The following GLI3 variants were observed in gnomAD, a reference collection of about 807,000 sequenced individuals.
GLI3 encodes transcription activator GLI3.
GLI3 carries 20 observed loss-of-function variants against 100.8 expected under a neutral mutation model. The ratio of observed to expected loss-of-function variants is 0.20; its 90% CI spans 0.14 to 0.29. The LOEUF (loss-of-function observed/expected upper bound fraction) is 0.29, where lower values mean the gene tolerates loss of function less well. GLI3 is among the 10% of genes least tolerant of loss of function. The probability of loss-of-function intolerance (pLI) is 1.00; values close to 1 mark genes in which losing one functional copy is unlikely to be tolerated. For synonymous variants in GLI3, 938 were observed against 860.5 expected, an observed-to-expected ratio of 1.09 and a Z score of -1.58; for missense variants, 2,040 against 2,128.5, an observed-to-expected ratio of 0.96 and a Z score of 0.82.
At chr7:41,968,763 G>GAAAGAA (rs1491137662) in intron 13 of GLI3, among the ~76,000 whole-genome samples, 11 of 56,686 alleles carry the variant, frequency 1.9e-4, no homozygotes, top group African/African-American at 8.1e-4. Context: ...AAAGAAAGAA[G>GAAAGAA]GAAAGAAAGA....
At chr7:41,983,060 C>CT (rs1034999994) in intron 10 of GLI3, among the ~76,000 whole-genome samples, 4 of 152,032 alleles carry the variant, frequency 2.6e-5, no homozygotes, top group Admixed American at 6.6e-5. Context: ...TATTCTTTGA[C>CT]TTTTTTTTCA....
chr7:42,208,869 T>C (rs1260485613), intron 2 of GLI3, among the ~76,000 whole-genome samples: 3 of 152,180 alleles, frequency 2.0e-5, no homozygotes, highest in South Asian at 4.1e-4. Flanking sequence ...ATAGGAAGCC[T>C]GGTGGGTAAT....
chr7:42,001,106 G>A (rs763748032), intron 10 of GLI3, among the ~76,000 whole-genome samples: 3 of 151,866 alleles, frequency 2.0e-5, no homozygotes, highest in South Asian at 2.1e-4. Context: ...TTAGCTGGGC[G>A]TGGTGGTGAG....
At chr7:42,020,889 C>CAAAAAAAAAAAAAAAAA (rs371389453) in intron 10 of GLI3, among the ~76,000 whole-genome samples, 2 of 113,122 alleles carry the variant, frequency 1.8e-5, no homozygotes, top group African/African-American at 6.9e-5. Flanking sequence ...GACTCCGTCT[C>CAAAAAAAAAAAAAAAAA]AAAAAAAAAA....
intron 3 of GLI3, among the ~76,000 whole-genome samples, chr7:42,083,558 C>G (rs1221580731): frequency 3.9e-5 from 6 of 152,186 alleles, no homozygotes; most frequent in Non-Finnish European, 5.9e-5. Flanking sequence ...CCAGCTGAGA[C>G]AGGAAACCCA....
intron 2 of GLI3, among the ~76,000 whole-genome samples, chr7:42,160,447 A>C (rs570892866): frequency 1.3e-5 from 2 of 152,342 alleles, no homozygotes; most frequent in Admixed American, 1.3e-4. Context: ...CATACACCTC[A>C]TATCCATAGC....
At chr7:42,178,759 G>T (rs953555612) in intron 2 of GLI3, among the ~76,000 whole-genome samples, 1 of 152,286 alleles carries the variant, frequency 6.6e-6, no homozygotes, top group Middle Eastern at 3.4e-3. Flanking sequence ...GTTACCAAGC[G>T]GCTATGGGAA....
At chr7:42,040,993 C>G (rs1259321045) in intron 6 of GLI3, among the ~76,000 whole-genome samples, 2 of 152,100 alleles carry the variant, frequency 1.3e-5, no homozygotes, top group African/African-American at 2.4e-5. Context: ...CAAATGTCAC[C>G]GAGGTTGAGG....
chr7:42,137,785 C>A lies in GLI3; in HGVS notation c.367+10441G>T, dbSNP rs538721934. Among the ~76,000 whole-genome samples, 3 of 152,266 alleles carry A rather than the reference C, an allele frequency of 2.0e-5. No individual in the cohort carries two copies. The South Asian group carries it at 6.2e-4, about 32-fold the overall frequency. On this transcript the variant is annotated intron_variant, in intron 3 of 14. Transcript: ENST00000395925. Reference sequence around the variant, plus strand: ...CCGACCTCATGTGATGGGTCATAGTCAAAATGCAGCTAAAATTGTTTCATG... The same window carrying A: ...CCGACCTCATGTGATGGGTCATAGTAAAAATGCAGCTAAAATTGTTTCATG...
intron 3 of GLI3, among the ~76,000 whole-genome samples, chr7:42,091,312 C>T (rs1433609888): frequency 6.6e-6 from 1 of 152,238 alleles, no homozygotes; most frequent in Non-Finnish European, 1.5e-5. Context: ...TGCACACATC[C>T]TGCCTTCACT....
intron 3 of GLI3, among the ~76,000 whole-genome samples, chr7:42,116,461 A>G (rs1047049173): frequency 7.9e-5 from 12 of 151,214 alleles, no homozygotes; most frequent in Non-Finnish European, 1.6e-4. Context: ...CCAGAGGATC[A>G]GGTCCAAGTT....
rs748621170 is a variant in GLI3, at chr7:42,026,351, G to A, written c.1090C>T (p.Leu364=). Residue 364 remains leucine (L), a synonymous_variant, in exon 8 of 15, where the codon CTA becomes TTA. Coordinates refer to ENST00000395925, the MANE Select transcript of GLI3 (RefSeq NM_000168.6). ...GAACCTAAGCTCTGTTGTCGGCTTA[G>A]GATCTGCTGATGCATGTGGAGAGAG... ...PVSLHMHQQI[L]SRQQSLGSAF... 1.9e-6 allele frequency: 3 copies of A among 1,614,062 alleles called. No homozygotes were observed. Among genetic ancestry groups the A allele is most frequent in the Non-Finnish European group, 8.5e-7 (1 of 1,180,028 alleles).
In GLI3 at chr7:42,148,212, G is replaced by A; in HGVS notation, c.367+14C>T. On this transcript the variant is annotated intron_variant, in intron 3 of 14. Transcript: ENST00000395925. Reference sequence around the variant, plus strand: ...ATAGCTCCTGAACAAGTGCCGACTGGCATGGGCACTTACGGTAGTGGGGCT... The same window carrying A: ...ATAGCTCCTGAACAAGTGCCGACTGACATGGGCACTTACGGTAGTGGGGCT... 1 of 1,603,646 alleles carries A rather than the reference G, an allele frequency of 6.2e-7. No individual in the cohort carries two copies. Among genetic ancestry groups the A allele is most frequent in the East Asian group, 2.2e-5 (1 of 44,576 alleles).
chr7:42,175,176 G>A (rs1787454238), intron 2 of GLI3, among the ~76,000 whole-genome samples: 1 of 152,116 alleles, frequency 6.6e-6, no homozygotes, highest in South Asian at 2.1e-4. Context: ...AGTGATAAAT[G>A]CTTTTAAGTG....
chr7:42,167,078 C>T (rs113798741), intron 2 of GLI3, among the ~76,000 whole-genome samples: 2 of 152,088 alleles, frequency 1.3e-5, no homozygotes, highest in Non-Finnish European at 2.9e-5. Context: ...CCGCCCACTT[C>T]GGCCTCCTAA....
chr7:42,176,557 C>A (rs1481585031), intron 2 of GLI3, among the ~76,000 whole-genome samples: 3 of 152,230 alleles, frequency 2.0e-5, no homozygotes, highest in African/African-American at 7.2e-5. Context: ...AGCGGGATTG[C>A]CAACCCCAGT....
chr7:41,998,364 C>T (rs1338295082), intron 10 of GLI3, among the ~76,000 whole-genome samples: 3 of 152,114 alleles, frequency 2.0e-5, no homozygotes, highest in African/African-American at 2.4e-5. Context: ...TCCAGAAAGC[C>T]TGTAAAAACC....
intron 3 of GLI3, among the ~76,000 whole-genome samples, chr7:42,147,679 G>A (rs1236661822): frequency 2.0e-5 from 3 of 152,144 alleles, no homozygotes; most frequent in South Asian, 2.1e-4. Flanking sequence ...TGTCTGGCAC[G>A]CTGGTTAGAG....
chr7:42,257,354 C>CTTTTT (rs61449410), intron 1 of GLI3, among the ~76,000 whole-genome samples: 4 of 130,586 alleles, frequency 3.1e-5, no homozygotes, highest in East Asian at 2.2e-4. Context: ...ATCATTCAGT[C>CTTTTT]TTTTTTTTTT....
Sources: gnomAD v4.1 joint callset for allele counts (sites outside exome capture counted in the v4.1 genomes callset) on GRCh38, gnomAD v4.1.1 for gene constraint, MANE v1.5 for transcripts, NCBI Gene and HGNC (gene_info 2026-07-23, HGNC 2026-07-21) for gene names.